The following MLLT1 variants were observed in gnomAD, a reference collection of about 807,000 sequenced individuals.
MLLT1 encodes the protein MLLT1 super elongation complex subunit.
In MLLT1, 11 loss-of-function variants were observed where a neutral mutation model predicts 55.1. That is an observed-to-expected ratio of 0.20 (90% confidence interval 0.13 to 0.33). The LOEUF (loss-of-function observed/expected upper bound fraction) is 0.33, where lower values mean the gene tolerates loss of function less well. MLLT1 is among the 10% of genes least tolerant of loss of function. MLLT1 has a pLI of 1.00. For synonymous variants in MLLT1, 323 were observed against 320.1 expected, an observed-to-expected ratio of 1.01 and a Z score of -0.10; for missense variants, 536 against 760.6, an observed-to-expected ratio of 0.70 and a Z score of 3.47.
intron 3 of MLLT1, among the ~76,000 whole-genome samples, chr19:6,238,943 G>A (rs1251706856): frequency 6.6e-6 from 1 of 152,232 alleles, no homozygotes; most frequent in East Asian, 1.9e-4. Context: ...GGGGCCACAG[G>A]CCTTACCCCG....
intron 3 of MLLT1, among the ~76,000 whole-genome samples, chr19:6,238,872 C>T (rs1317671719): frequency 6.6e-6 from 1 of 152,282 alleles, no homozygotes. Flanking sequence ...GCAGCAAACG[C>T]CTTGCTCTGC....
chr19:6,241,879 C>T (rs970621382), intron 3 of MLLT1, among the ~76,000 whole-genome samples: 3 of 152,194 alleles, frequency 2.0e-5, no homozygotes, highest in African/African-American at 4.8e-5. Flanking sequence ...CTGGCTCCCT[C>T]GGCAATCCAC....
Position 6,213,580 on chromosome 19 carries a change from C to A in MLLT1, c.1479+146G>T. On this transcript the variant is annotated intron_variant, in intron 10 of 11. Coordinates refer to ENST00000252674, the MANE Select transcript of MLLT1 (RefSeq NM_005934.4). ...CAGCCCCTCAGCTCCAAGGCCACAC[C>A]GGGAGGGGAGGAAGGACTGTCCCTG... The A allele has an allele frequency of 5.0e-6, 5 of 992,456 alleles. No individual in the cohort carries two copies. In the East Asian group the frequency reaches 1.2e-4, roughly 25 times the overall value. 61.5% of individuals were successfully genotyped at this position (992,456 alleles called of 1,614,324 possible). A position where few individuals can be genotyped will look rare whatever the true frequency, so the allele number is the denominator to read the frequency against.
In MLLT1 at chr19:6,213,423, C is replaced by T; in HGVS notation, c.1480-15G>A. ...TCCGTGTAGGCCTGGGGAGGGGGGGCAGGTCTCAGCAGCGTGTGGGGGCCC... is the reference window on the plus strand; with the variant it reads ...TCCGTGTAGGCCTGGGGAGGGGGGGTAGGTCTCAGCAGCGTGTGGGGGCCC... On this transcript the variant is annotated splice_polypyrimidine_tract_variant and intron_variant, in intron 10 of 11. Coordinates refer to ENST00000252674, the MANE Select transcript of MLLT1 (RefSeq NM_005934.4). The T allele has an allele frequency of 2.5e-6, 4 of 1,604,984 alleles. No individual in the cohort carries two copies. The highest frequency in any genetic ancestry group is 3.4e-6 in the Non-Finnish European group (4 of 1,175,240).
intron 8 of MLLT1, among the ~76,000 whole-genome samples, chr19:6,215,704 G>A (rs2144845904): frequency 6.6e-6 from 1 of 152,310 alleles, no homozygotes; most frequent in East Asian, 1.9e-4. Flanking sequence ...GAGGCCTGGA[G>A]GCCTCAGCCT....
In MLLT1 at chr19:6,211,416, C is replaced by T. The variant is rs973744514; in HGVS notation, c.*1626G>A. The T allele has an allele frequency of 4.0e-6, 1 of 253,126 alleles. No individual in the cohort carries two copies. Among genetic ancestry groups the T allele is most frequent in the East Asian group, 6.1e-5 (1 of 16,430 alleles). 15.7% of individuals were successfully genotyped at this position (253,126 alleles called of 1,614,324 possible). On this transcript the variant is annotated 3_prime_UTR_variant, in exon 12 of 12. Transcript: ENST00000252674. This position sits in a 1 kb window ranked among gnomAD's most constrained non-coding sequence, Gnocchi z 4.6. ...TGGGGAGTTTCCCCAGGACAGCTGG[C>T]ATTGGGGGCAGCCTTGGAGGCATGG...
At position 6,273,589 on chromosome 19, in the gene MLLT1, C is replaced by T. The variant is rs1280668872; in HGVS notation, c.13-2830G>A. Among the ~76,000 whole-genome samples, 2 of 152,168 alleles carry T rather than the reference C, an allele frequency of 1.3e-5. No homozygotes were observed. The highest frequency in any genetic ancestry group is 2.9e-5 in the Non-Finnish European group (2 of 68,038). ...ACCCAAAACAACACTGACATTAGCC[C>T]CGAGCGGCCATGACCACCCTCTATG... On this transcript the variant is annotated intron_variant, in intron 1 of 11. Transcript: ENST00000252674. This position sits in a 1 kb window ranked among gnomAD's most constrained non-coding sequence, Gnocchi z 4.3.
chr19:6,221,134 C>T (rs998255884), intron 6 of MLLT1, among the ~76,000 whole-genome samples: 2 of 152,230 alleles, frequency 1.3e-5, no homozygotes, highest in Non-Finnish European at 2.9e-5. Flanking sequence ...CATTCAAAGC[C>T]CCAGCGGCTT....
intron 2 of MLLT1, among the ~76,000 whole-genome samples, chr19:6,265,378 A>G (rs983390988): frequency 6.6e-6 from 1 of 152,122 alleles, no homozygotes; most frequent in Non-Finnish European, 1.5e-5. Flanking sequence ...GCACTCAAAA[A>G]GTTTTGGATC....
At chr19:6,268,142 G>T (rs923436581) in intron 2 of MLLT1, among the ~76,000 whole-genome samples, 2 of 152,204 alleles carry the variant, frequency 1.3e-5, no homozygotes, top group Non-Finnish European at 2.9e-5. Flanking sequence ...ATTGGGCAAC[G>T]AAACCGCGAT....
At chr19:6,266,345 C>A (rs796733604) in intron 2 of MLLT1, among the ~76,000 whole-genome samples, 122 of 152,006 alleles carry the variant, frequency 8.0e-4, no homozygotes, top group African/African-American at 2.9e-3. Context: ...CCTGTAATTC[C>A]CAAACCACAA....
At chr19:6,251,101 C>T (rs1373087385) in intron 3 of MLLT1, among the ~76,000 whole-genome samples, 4 of 151,906 alleles carry the variant, frequency 2.6e-5, no homozygotes, top group Admixed American at 6.6e-5. Context: ...ATGGGGGGAA[C>T]GGGAAACAGC....
chr19:6,260,705 G>A (rs1224086114), intron 3 of MLLT1, among the ~76,000 whole-genome samples: 1 of 152,262 alleles, frequency 6.6e-6, no homozygotes, highest in Non-Finnish European at 1.5e-5. Flanking sequence ...CTGAGCTTGG[G>A]CACAGTGGCA....
At chr19:6,216,615 T>C in intron 7 of MLLT1, 102 bp from the exon 8 acceptor site, 1 of 797,784 alleles carries the variant, frequency 1.3e-6, no homozygotes, top group African/African-American at 1.7e-5. Context: ...TTGACACTGG[T>C]GACCCCCAAA....
chr19:6,249,289 A>T (rs998811681), intron 3 of MLLT1, among the ~76,000 whole-genome samples: 4 of 152,086 alleles, frequency 2.6e-5, no homozygotes, highest in East Asian at 1.9e-4. Context: ...CGCGGCTAAA[A>T]AATAATAATA....
chr19:6,222,695 A>G lies in MLLT1; in HGVS notation c.547-11T>C. On this transcript the variant is annotated splice_polypyrimidine_tract_variant and intron_variant, in intron 5 of 11. Coordinates refer to ENST00000252674, the MANE Select transcript of MLLT1 (RefSeq NM_005934.4). This position sits in a 1 kb window ranked among gnomAD's most constrained non-coding sequence, Gnocchi z 4.1. ...CTCCTTGTTGGCGTCCTGCAAGGCC[A>G]AGAGCAGGGAGGGCAAGGGGAGAGA... 1 of 1,513,004 alleles carries G rather than the reference A, an allele frequency of 6.6e-7. No individual in the cohort carries two copies. Among genetic ancestry groups the G allele is most frequent in the Non-Finnish European group, 8.8e-7 (1 of 1,134,246 alleles). 93.7% of individuals were successfully genotyped at this position (1,513,004 alleles called of 1,614,324 possible).
intron 3 of MLLT1, among the ~76,000 whole-genome samples, chr19:6,234,183 C>T (rs1272010101): frequency 1.3e-5 from 2 of 152,244 alleles, no homozygotes; most frequent in South Asian, 4.1e-4. Context: ...TGGCCTCACA[C>T]AGGAAACAGT....
At chr19:6,248,512 A>C (rs1425779372) in intron 3 of MLLT1, among the ~76,000 whole-genome samples, 1 of 152,192 alleles carries the variant, frequency 6.6e-6, no homozygotes, top group Non-Finnish European at 1.5e-5. Context: ...GCACTTCCTA[A>C]TATGATGGAA....
Position 6,267,713 on chromosome 19 carries a change from C to T in MLLT1, c.193+2866G>A, listed in dbSNP as rs984859578. Among the ~76,000 whole-genome samples, 4 of 152,286 alleles carry T rather than the reference C, an allele frequency of 2.6e-5. No individual in the cohort carries two copies. In the South Asian group the frequency reaches 8.3e-4, roughly 32 times the overall value. On this transcript the variant is annotated intron_variant, in intron 2 of 11. Transcript: ENST00000252674. The stretch of plus-strand genomic sequence containing the variant: ...GGTGACAGCGTCAAACATGTCAACG[C>T]CGCCTACTGCTAGTTCCCAACTCTT...
Sources: gnomAD v4.1 joint callset for allele counts (sites outside exome capture counted in the v4.1 genomes callset) on GRCh38, gnomAD v4.1.1 for gene constraint, Gnocchi (gnomAD v3.1) non-coding constraint, MANE v1.5 for transcripts, NCBI Gene and HGNC (gene_info 2026-07-23, HGNC 2026-07-21) for gene names.